The following ZZZ3 variants were observed in gnomAD, a reference collection of about 807,000 sequenced individuals.
ZZZ3 encodes the protein zinc finger ZZ-type containing 3.
In ZZZ3, 22 loss-of-function variants were observed where a neutral mutation model predicts 95.2. The ratio of observed to expected loss-of-function variants is 0.23; its 90% confidence interval spans 0.17 to 0.33. The LOEUF (loss-of-function observed/expected upper bound fraction) is 0.33, where lower values mean the gene tolerates loss of function less well. ZZZ3 is among the 10% of genes least tolerant of loss of function. The pLI, the probability that ZZZ3 is intolerant of heterozygous loss-of-function variation, is 1.00. For synonymous variants in ZZZ3, 335 were observed against 358.9 expected (o/e 0.93, Z 0.75); for missense variants, 885 against 1,066.5 (o/e 0.83, Z 2.37).
intron 1 of ZZZ3, among the ~76,000 whole-genome samples, chr1:77,672,807 G>T (rs1265286854): frequency 6.6e-6 from 1 of 152,164 alleles, no homozygotes; most frequent in African/African-American, 2.4e-5. Context: ...TTCAAATTTA[G>T]AAGTAACTCT....
intron 1 of ZZZ3, among the ~76,000 whole-genome samples, chr1:77,658,514 GC>G (rs1313547305): frequency 2.3e-5 from 2 of 86,600 alleles, no homozygotes; most frequent in Admixed American, 2.5e-4. Context: ...CCACATCCTG[GC>G]TTTTTTTTTT....
At chr1:77,666,042 AAAAT>A (rs1386114329) in intron 1 of ZZZ3, among the ~76,000 whole-genome samples, 1 of 152,248 alleles carries the variant, frequency 6.6e-6, no homozygotes, top group African/African-American at 2.4e-5. Context: ...CTCCATCTCA[AAAAT>A]AAATAAAGTA....
Position 77,632,754 on chromosome 1 carries a change from C to A in ZZZ3, c.601G>T (p.Ala201Ser). 2 of 1,614,174 alleles carry A rather than the reference C, an allele frequency of 1.2e-6. No homozygotes were observed. The highest frequency in any genetic ancestry group is 1.7e-6 in the Non-Finnish European group (2 of 1,180,014). The change falls in exon 5 of 15, where the codon GCT becomes TCT. Residue 201 changes from alanine to serine, a missense_variant. By Grantham distance (99) the Ala-to-Ser change is moderately conservative. Around this residue, in one of 5 missense-constraint regions of ZZZ3, gnomAD observed 556 missense variants for 652.9 expected, o/e 0.85. Coordinates refer to ENST00000370801, the MANE Select transcript of ZZZ3 (RefSeq NM_015534.6). ...AVVEEITGYL[A>S]VNGVDDSDSA... is the part of the protein sequence containing the mutation. ...TCACTGTCATCAACACCATTGACAG[C>A]CAAATAGCCTGTGATTTCTTCAACT... is the stretch of plus-strand genomic sequence containing the variant.
At chr1:77,659,479 CATGGTGAAA>C (rs1443253456) in intron 1 of ZZZ3, among the ~76,000 whole-genome samples, 3 of 151,826 alleles carry the variant, frequency 2.0e-5, no homozygotes, top group Non-Finnish European at 4.4e-5. Context: ...GCCTGGCCAA[CATGGTGAAA>C]CCCACCTGGC....
At chr1:77,616,235 T>C (rs1666301303) in intron 5 of ZZZ3, among the ~76,000 whole-genome samples, 1 of 152,186 alleles carries the variant, frequency 6.6e-6, no homozygotes, top group South Asian at 2.1e-4. Flanking sequence ...ATAAAGAACA[T>C]TAACAAGTTT....
intron 5 of ZZZ3, among the ~76,000 whole-genome samples, chr1:77,608,023 C>T (rs757887758): frequency 1.3e-5 from 2 of 151,746 alleles, no homozygotes; most frequent in Non-Finnish European, 2.9e-5. Flanking sequence ...TGGAAAATAG[C>T]CTCACAAGGG....
intron 1 of ZZZ3, among the ~76,000 whole-genome samples, chr1:77,665,263 G>A (rs1245028791): frequency 6.6e-6 from 1 of 152,156 alleles, no homozygotes; most frequent in African/African-American, 2.4e-5. Context: ...AGTTCATTAT[G>A]TCCATCTGTG....
At chr1:77,580,782 C>T in intron 9 of ZZZ3, 1 of 442,452 alleles carries the variant, frequency 2.3e-6, no homozygotes, top group Middle Eastern at 6.1e-4. Flanking sequence ...TATGCACACG[C>T]CATCACACCC....
At chr1:77,592,459 G>A (rs1333084308) in intron 5 of ZZZ3, among the ~76,000 whole-genome samples, 3 of 151,980 alleles carry the variant, frequency 2.0e-5, no homozygotes, top group African/African-American at 7.3e-5. Flanking sequence ...ACACCACCAC[G>A]CCTGGCTATT....
At chr1:77,667,915 C>A (rs1397201142) in intron 1 of ZZZ3, among the ~76,000 whole-genome samples, 1 of 151,802 alleles carries the variant, frequency 6.6e-6, no homozygotes, top group Non-Finnish European at 1.5e-5. Context: ...CATGCACCTG[C>A]CACCACGCCC....
chr1:77,663,043 T>G (rs1455781133), intron 1 of ZZZ3, among the ~76,000 whole-genome samples: 2 of 151,744 alleles, frequency 1.3e-5, no homozygotes, highest in East Asian at 3.9e-4. Flanking sequence ...AGGTGGAAGT[T>G]GCAGTGAACC....
At position 77,660,694 on chromosome 1, in the gene ZZZ3, G is replaced by T. The variant is rs561073372; in HGVS notation, c.-402-19039C>A. On this transcript the variant is annotated intron_variant, in intron 1 of 14. Transcript: ENST00000370801. ...CACAGGTGTACAAATCTCTCTTCAAGACCCGGCCTTCAATCCTTTCAGGAA... is the reference window on the plus strand; with the variant it reads ...CACAGGTGTACAAATCTCTCTTCAATACCCGGCCTTCAATCCTTTCAGGAA... 2.0e-5 allele frequency among the ~76,000 whole-genome samples: 3 copies of T among 152,242 alleles called. No homozygotes were observed. The East Asian group carries it at 5.8e-4, about 29-fold the overall frequency.
chr1:77,578,774 C>CT lies in ZZZ3; in HGVS notation c.2177dup (p.Ser727ValfsTer11). 6.7e-7 allele frequency: 1 copy of CT among 1,502,174 alleles called. No individual in the cohort carries two copies. The highest frequency in any genetic ancestry group is 8.9e-7 in the Non-Finnish European group (1 of 1,128,542). The allele number at this position is 1,502,174 out of a possible 1,614,324, so 93.1% of individuals were successfully genotyped here. On this transcript the variant is annotated frameshift_variant and splice_region_variant, in exon 11 of 15. Transcript: ENST00000370801. LOFTEE classifies it high-confidence loss of function. ...TTTACTTTCATGTATTTTCTTTTACCTTTTTGGAGTATATATATAAGTTTG... is the reference window on the plus strand; with the variant it reads ...TTTACTTTCATGTATTTTCTTTTACCTTTTTTGGAGTATATATATAAGTTTG...
chr1:77,615,375 T>C (rs964777258), intron 5 of ZZZ3, among the ~76,000 whole-genome samples: 3 of 152,194 alleles, frequency 2.0e-5, no homozygotes, highest in African/African-American at 7.2e-5. Flanking sequence ...ACGGTTAAAA[T>C]CAACATGGAG....
At chr1:77,636,003 A>C (rs542719846) in intron 4 of ZZZ3, among the ~76,000 whole-genome samples, 3 of 151,336 alleles carry the variant, frequency 2.0e-5, no homozygotes, top group Non-Finnish European at 4.4e-5. Context: ...GGTTAAGATT[A>C]CTTATTTTTA....
At position 77,566,974 on chromosome 1, in the gene ZZZ3, A is replaced by G. The variant is rs577490117; in HGVS notation, c.2467-793T>C. The stretch of plus-strand genomic sequence containing the variant: ...AGGAGAAGTGAAGCAAGTTTTTCTG[A>G]AAGGCCAGAGCTGCCAGTTAGGAAA... On this transcript the variant is annotated intron_variant, in intron 13 of 14. Coordinates refer to ENST00000370801, the MANE Select transcript of ZZZ3 (RefSeq NM_015534.6). Among the ~76,000 whole-genome samples, 204 of 152,324 alleles carry G rather than the reference A, an allele frequency of 1.3e-3. 2 individuals carry two copies. Among genetic ancestry groups the G allele is most frequent in the Non-Finnish European group, 2.5e-3 (170 of 68,014 alleles).
chr1:77,632,565 G>A lies in ZZZ3; in HGVS notation c.790C>T (p.His264Tyr), dbSNP rs1478552962. 6.2e-7 allele frequency: 1 copy of A among 1,614,004 alleles called. No individual in the cohort carries two copies. Among genetic ancestry groups the A allele is most frequent in the East Asian group, 2.2e-5 (1 of 44,890 alleles). ...DSRKEDSYID[H>Y]KVPCTDSQVQ... ...TGTGAATCTGTGCAAGGCACCTTAT[G>A]GTCTATATAACTGTCCTCCTTCCTA... Residue 264 changes from histidine to tyrosine, a missense_variant, in exon 5 of 15, where the codon CAT (histidine) becomes TAT (tyrosine). Physicochemically the swap from His to Tyr is moderately conservative, Grantham distance 83. Around this residue, in one of 5 missense-constraint regions of ZZZ3, gnomAD observed 556 missense variants for 652.9 expected, o/e 0.85. Coordinates refer to ENST00000370801, the MANE Select transcript of ZZZ3 (RefSeq NM_015534.6).
intron 5 of ZZZ3, among the ~76,000 whole-genome samples, chr1:77,617,224 A>G (rs1457219650): frequency 6.6e-6 from 1 of 152,104 alleles, no homozygotes; most frequent in Non-Finnish European, 1.5e-5. Context: ...AACCATCACC[A>G]TTATCCAGTT....
chr1:77,647,698 C>T (rs1249550329), intron 1 of ZZZ3, among the ~76,000 whole-genome samples: 1 of 151,848 alleles, frequency 6.6e-6, no homozygotes, highest in African/African-American at 2.4e-5. Context: ...TAAGCTAGCT[C>T]ACAAACTTCC....
Sources: allele counts gnomAD v4.1 joint callset (sites outside exome capture counted in the v4.1 genomes callset), GRCh38; gene constraint gnomAD v4.1.1; regional missense constraint gnomAD v4.1.1; transcripts MANE v1.5; gene names NCBI Gene and HGNC (gene_info 2026-07-23, HGNC 2026-07-21).